The following RPN1 variants were observed in gnomAD, a reference collection of about 807,000 sequenced individuals.
The protein encoded by RPN1 is dolichyl-diphosphooligosaccharide--protein glycosyltransferase subunit 1.
RPN1 carries 12 observed loss-of-function variants against 55.5 expected under a neutral mutation model. That is an observed-to-expected ratio of 0.22 (90% CI 0.14 to 0.35). The LOEUF is 0.35. RPN1 is among the 10% of genes least tolerant of loss of function. The pLI is 1.00. For missense variants in RPN1, 679 were observed against 761.3 expected, an observed-to-expected ratio of 0.89 and a Z score of 1.27; for synonymous variants, 317 against 305.9, an observed-to-expected ratio of 1.04 and a Z score of -0.38.
chr3:128,639,438 G>A (rs2069708266), intron 2 of RPN1, among the ~76,000 whole-genome samples: 1 of 144,402 alleles, frequency 6.9e-6, no homozygotes, highest in South Asian at 2.2e-4. Flanking sequence ...GGGCGACAGA[G>A]CGAGATACCG....
intron 2 of RPN1, among the ~76,000 whole-genome samples, chr3:128,641,609 CT>C (rs200507415): frequency 0.076 from 9,105 of 120,388 alleles, 173 homozygotes; most frequent in Middle Eastern, 0.1. Flanking sequence ...TTTAGTGAAT[CT>C]TTTTTTTTTT....
chr3:128,641,959 T>C (rs2069728857), intron 2 of RPN1, among the ~76,000 whole-genome samples: 1 of 152,194 alleles, frequency 6.6e-6, no homozygotes, highest in African/African-American at 2.4e-5. Context: ...ACTATTATTT[T>C]ACTGATGAGG....
chr3:128,633,619 A>G lies in RPN1; in HGVS notation c.634-1462T>C, dbSNP rs115699742. ...ACTTTTGTATAATATGCAGAGATGT[A>G]TATTATAATATTAAATAGAAAAAAA... On this transcript the variant is annotated intron_variant, in intron 3 of 9. Transcript: ENST00000296255. Among the ~76,000 whole-genome samples the G allele has an allele frequency of 5.5e-3, 830 of 152,284 alleles. 13 individuals carry two copies. The highest frequency in any genetic ancestry group is 0.019 in the African/African-American group (786 of 41,548).
intron 2 of RPN1, chr3:128,644,655 A>G (rs964737879): frequency 6.8e-6 from 4 of 587,938 alleles, no homozygotes; most frequent in Admixed American, 2.3e-5. Context: ...CCCTGTCTCA[A>G]GAAAAAAAAA....
At chr3:128,630,442 T>C (rs1180662699) in intron 4 of RPN1, among the ~76,000 whole-genome samples, 1 of 152,216 alleles carries the variant, frequency 6.6e-6, no homozygotes, top group East Asian at 1.9e-4. Context: ...GCAAGTTATT[T>C]TGCAGAGAAG....
In RPN1 at chr3:128,622,398, T is replaced by C. The variant is rs1211840885; in HGVS notation, c.1407A>G (p.Ala469=). The C allele has an allele frequency of 1.2e-6, 2 of 1,614,176 alleles. No homozygotes were observed. Among genetic ancestry groups the C allele is most frequent in the East Asian group, 2.2e-5 (1 of 44,884 alleles). Residue 469 remains alanine, a synonymous_variant, in exon 9 of 10, where the codon GCA becomes GCG. Coordinates refer to ENST00000296255, the MANE Select transcript of RPN1 (RefSeq NM_002950.4). ...LDFSITKDPA[A]EARMKVACIT... is the part of the protein sequence containing the mutation. Reference sequence around the variant, plus strand: ...TGCAGGCTACCTTCATCCTGGCTTCTGCGGCTGGATCCTGAAGGAAGGAGA... The same window carrying C: ...TGCAGGCTACCTTCATCCTGGCTTCCGCGGCTGGATCCTGAAGGAAGGAGA...
intron 1 of RPN1, among the ~76,000 whole-genome samples, chr3:128,649,767 G>A (rs2069800284): frequency 6.6e-6 from 1 of 152,186 alleles, no homozygotes; most frequent in South Asian, 2.1e-4. Context: ...TTGCCGAGGT[G>A]TAAGAATGAG....
At chr3:128,646,609 C>T (rs965634250) in intron 1 of RPN1, among the ~76,000 whole-genome samples, 6 of 151,762 alleles carry the variant, frequency 4.0e-5, no homozygotes, top group Non-Finnish European at 2.9e-5. Context: ...TTGCTTGAAC[C>T]CAGGAGGTGG....
At chr3:128,626,712 G>T (rs766726135) in intron 6 of RPN1, 21 bp downstream of exon 6, 96 of 1,607,146 alleles carry the variant, frequency 6.0e-5, no homozygotes, top group Non-Finnish European at 7.7e-5. Flanking sequence ...GGGTGCAAAG[G>T]AGAGGAACAG....
At chr3:128,624,917 C>T (rs1375995606) in intron 8 of RPN1, among the ~76,000 whole-genome samples, 3 of 152,210 alleles carry the variant, frequency 2.0e-5, no homozygotes, top group Non-Finnish European at 4.4e-5. Flanking sequence ...CACCAGGCCT[C>T]ACCCACCTGA....
chr3:128,625,516 A>G lies in RPN1; in HGVS notation c.1395+18T>C, dbSNP rs756873255. The G allele has an allele frequency of 6.2e-7, 1 of 1,614,060 alleles. No homozygotes were observed. Among genetic ancestry groups the G allele is most frequent in the Non-Finnish European group, 8.5e-7 (1 of 1,180,002 alleles). ...CCAAGGACACAAATGACAAGCAGGAAGAAGGCAGAGACGGTACCTTGGTGA... is the reference window on the plus strand; with the variant it reads ...CCAAGGACACAAATGACAAGCAGGAGGAAGGCAGAGACGGTACCTTGGTGA... On this transcript the variant is annotated intron_variant, in intron 8 of 9. Coordinates refer to ENST00000296255, the MANE Select transcript of RPN1 (RefSeq NM_002950.4).
At chr3:128,622,066 T>C in intron 9 of RPN1, 98 bp downstream of exon 9, 1 of 1,182,042 alleles carries the variant, frequency 8.5e-7, no homozygotes, top group Non-Finnish European at 1.2e-6. Context: ...CCCACAAGCA[T>C]GCAGGTAAGC....
Position 128,650,804 on chromosome 3 carries a change from CG to C in RPN1, c.-5del. On this transcript the variant is annotated 5_prime_UTR_variant, in exon 1 of 10. Transcript: ENST00000296255. ...AGCCGGCGGCTGGCGCCTCCATGAC[CG>C]GGAAGAGCAGTGCGCCAGGGCGGGT... 6.6e-7 allele frequency: 1 copy of C among 1,519,500 alleles called. No individual in the cohort carries two copies. Among genetic ancestry groups the C allele is most frequent in the Non-Finnish European group, 8.8e-7 (1 of 1,131,432 alleles). The allele number at this position is 1,519,500 out of a possible 1,614,324, so 94.1% of individuals were successfully genotyped here. A position where few individuals can be genotyped will look rare whatever the true frequency, so the allele number is the denominator to read the frequency against.
chr3:128,631,706 T>C (rs116685363), intron 4 of RPN1, among the ~76,000 whole-genome samples: 10 of 151,966 alleles, frequency 6.6e-5, no homozygotes, highest in African/African-American at 1.4e-4. Context: ...CACGCCACTA[T>C]GCTCCAGCCT....
In RPN1 at chr3:128,625,477, C is replaced by A. The variant is rs1010364206; in HGVS notation, c.1395+57G>T. 3.1e-6 allele frequency: 5 copies of A among 1,612,938 alleles called. No homozygotes were observed. The Admixed American group carries it at 6.7e-5, about 22-fold the overall frequency. On this transcript the variant is annotated intron_variant, in intron 8 of 9. Transcript: ENST00000296255. ...CTCACTGTGAGGATCAGTGCTCAAG[C>A]TGGTGAAATATTACCAAGGACACAA... is the stretch of plus-strand genomic sequence containing the variant.
chr3:128,650,024 A>G (rs1317021750), intron 1 of RPN1, among the ~76,000 whole-genome samples: 1 of 152,254 alleles, frequency 6.6e-6, no homozygotes, highest in East Asian at 1.9e-4. Context: ...AACGGACCAG[A>G]TACTGAATTA....
At chr3:128,634,048 G>A (rs193141205) in intron 3 of RPN1, among the ~76,000 whole-genome samples, 12 of 151,718 alleles carry the variant, frequency 7.9e-5, no homozygotes, top group South Asian at 2.1e-4. Flanking sequence ...CAGGCCAGCC[G>A]GGCACAGTGG....
chr3:128,620,769 CT>C (rs2107712229), intron 9 of RPN1, among the ~76,000 whole-genome samples, 176 bp from the exon 10 acceptor site: 1 of 152,354 alleles, frequency 6.6e-6, no homozygotes, highest in African/African-American at 2.4e-5. Context: ...ATAGGCCTGG[CT>C]TCAAATGCCA....
rs749704337 is a variant in RPN1, at chr3:128,650,790, G to C, written c.11C>G (p.Pro4Arg). The change falls in exon 1 of 10, where the codon CCA becomes CGA. Residue 4 changes from proline (P) to arginine (R), a missense_variant. Physicochemically the swap from Pro to Arg is moderately radical, Grantham distance 103. Coordinates refer to ENST00000296255, the MANE Select transcript of RPN1 (RefSeq NM_002950.4). ...CAGGAGCAGAAACAAGCCGGCGGCT[G>C]GCGCCTCCATGACCGGGAAGAGCAG... Reference protein sequence around the residue: MEAPAAGLFLLLLL... With the variant: MEARAAGLFLLLLL... The C allele has an allele frequency of 3.9e-6, 6 of 1,534,758 alleles. No individual in the cohort carries two copies. The East Asian group carries it at 1.2e-4, about 32-fold the overall frequency.
Sources: gnomAD v4.1 joint callset for allele counts (sites outside exome capture counted in the v4.1 genomes callset) on GRCh38, gnomAD v4.1.1 for gene constraint, MANE v1.5 for transcripts, NCBI Gene and HGNC (gene_info 2026-07-23, HGNC 2026-07-21) for gene names.